The following CAMK4 variants were observed in gnomAD, a reference collection of about 807,000 sequenced individuals.
The protein encoded by CAMK4 is calcium/calmodulin-dependent protein kinase type IV.
Under a neutral mutation model 44.9 loss-of-function variants are expected in CAMK4, and 22 were observed. That is an observed-to-expected ratio of 0.49 (90% CI 0.35 to 0.70). The LOEUF is 0.70. Among genes scored for constraint, CAMK4 ranks in the 30% least tolerant of loss-of-function variants. The pLI is 0.01. For missense variants in CAMK4, 498 were observed against 586.8 expected (o/e 0.85, Z 1.56); for synonymous variants, 218 against 215.4 (o/e 1.01, Z -0.11).
chr5:111,416,560 G>C (rs1020960698), intron 5 of CAMK4: 2 of 152,160 alleles, frequency 1.3e-5, no homozygotes, highest in African/African-American at 2.4e-5. Context: ...TATACCATCA[G>C]ACTCCCTGGA....
chr5:111,317,748 C>T (rs1748485422), intron 1 of CAMK4, among the ~76,000 whole-genome samples: 1 of 151,916 alleles, frequency 6.6e-6, no homozygotes, highest in East Asian at 1.9e-4. Flanking sequence ...TTCCTCTGCT[C>T]AAAAGGGCTC....
intron 5 of CAMK4, among the ~76,000 whole-genome samples, chr5:111,426,304 ATT>A (rs894363004): frequency 6.6e-5 from 10 of 152,254 alleles, no homozygotes; most frequent in African/African-American, 2.4e-4. Flanking sequence ...GTTAAAGTGA[ATT>A]TTTATATACC....
chr5:111,293,742 C>CTTTTTTT (rs35117453), intron 1 of CAMK4, among the ~76,000 whole-genome samples: 1 of 83,518 alleles, frequency 1.2e-5, no homozygotes, highest in Non-Finnish European at 2.2e-5. Context: ...TGCTGCTCTA[C>CTTTTTTT]TTTTTTTTTT....
chr5:111,465,759 G>C (rs901016187), intron 7 of CAMK4, among the ~76,000 whole-genome samples: 4 of 152,150 alleles, frequency 2.6e-5, no homozygotes, highest in Non-Finnish European at 5.9e-5. Context: ...ATTCACAGCT[G>C]AATTCTATCA....
chr5:111,312,751 A>G (rs1042835844), intron 1 of CAMK4, among the ~76,000 whole-genome samples: 1 of 152,178 alleles, frequency 6.6e-6, no homozygotes, highest in Admixed American at 6.6e-5. Flanking sequence ...AATACAGAGT[A>G]GGAATGAACT....
intron 1 of CAMK4, among the ~76,000 whole-genome samples, chr5:111,291,348 T>C (rs887758509): frequency 6.7e-6 from 1 of 148,548 alleles, no homozygotes; most frequent in African/African-American, 2.6e-5. Context: ...AAATGTCTGT[T>C]GATTTTCTTT....
At position 111,264,687 on chromosome 5, in the gene CAMK4, C is replaced by G. The variant is rs7735221; in HGVS notation, c.161+40043C>G. 6.3e-3 allele frequency among the ~76,000 whole-genome samples: 957 copies of G among 152,194 alleles called. 8 individuals carry two copies. The highest frequency in any genetic ancestry group is 0.022 in the African/African-American group (906 of 41,518). On this transcript the variant is annotated intron_variant, in intron 1 of 10. Coordinates refer to ENST00000282356, the MANE Select transcript of CAMK4 (RefSeq NM_001744.6). ...GGTGATACTTTAAGAGTCATTTTCTCTGTTGAAATGGCTGCAGAGATTGAG... is the reference window on the plus strand; with the variant it reads ...GGTGATACTTTAAGAGTCATTTTCTGTGTTGAAATGGCTGCAGAGATTGAG...
At chr5:111,229,588 G>A (rs760394905) in intron 1 of CAMK4, among the ~76,000 whole-genome samples, 4 of 152,106 alleles carry the variant, frequency 2.6e-5, no homozygotes, top group South Asian at 2.1e-4. Flanking sequence ...AACCATTCTC[G>A]TGACCAGAGC....
chr5:111,353,034 A>G (rs1005001327), intron 2 of CAMK4, among the ~76,000 whole-genome samples: 2 of 152,108 alleles, frequency 1.3e-5, no homozygotes, highest in Non-Finnish European at 2.9e-5. Flanking sequence ...ATCACCTGCT[A>G]TAGGAAACAG....
intron 1 of CAMK4, among the ~76,000 whole-genome samples, chr5:111,309,108 A>T (rs1017427440): frequency 6.6e-6 from 1 of 152,240 alleles, no homozygotes; most frequent in African/African-American, 2.4e-5. Context: ...CACACACAAA[A>T]GAGCAATGCA....
At chr5:111,296,839 C>A (rs1747503802) in intron 1 of CAMK4, among the ~76,000 whole-genome samples, 1 of 152,216 alleles carries the variant, frequency 6.6e-6, no homozygotes, top group African/African-American at 2.4e-5. Flanking sequence ...AGTTCTGGAT[C>A]TGTGCATAAT....
chr5:111,323,042 G>A (rs1270048716), intron 1 of CAMK4, among the ~76,000 whole-genome samples: 1 of 152,074 alleles, frequency 6.6e-6, no homozygotes, highest in Non-Finnish European at 1.5e-5. Context: ...TGGAATATAT[G>A]TCTCAGAGGG....
At chr5:111,353,073 G>A (rs959284978) in intron 2 of CAMK4, among the ~76,000 whole-genome samples, 1 of 152,016 alleles carries the variant, frequency 6.6e-6, no homozygotes, top group East Asian at 1.9e-4. Context: ...AGGTGCGGTT[G>A]GAGGTAATGC....
At chr5:111,238,199 T>C (rs1390382932) in intron 1 of CAMK4, among the ~76,000 whole-genome samples, 1 of 152,186 alleles carries the variant, frequency 6.6e-6, no homozygotes, top group East Asian at 1.9e-4. Flanking sequence ...TCCTGATTTC[T>C]CCCTGTTTCC....
chr5:111,443,938 T>C (rs1753938208), intron 5 of CAMK4, among the ~76,000 whole-genome samples: 1 of 152,234 alleles, frequency 6.6e-6, no homozygotes, highest in Admixed American at 6.5e-5. Flanking sequence ...TATATCAAGA[T>C]ACAGTATCTT....
At chr5:111,476,268 TGTTTG>T (rs1755237483) in intron 8 of CAMK4, among the ~76,000 whole-genome samples, 10 of 139,310 alleles carry the variant, frequency 7.2e-5, no homozygotes, top group African/African-American at 1.7e-4. Context: ...TGTGTGTGTG[TGTTTG>T]TGTGTGTGTG....
intron 1 of CAMK4, among the ~76,000 whole-genome samples, chr5:111,341,027 C>G (rs1749620041): frequency 6.6e-6 from 1 of 150,758 alleles, no homozygotes; most frequent in African/African-American, 2.4e-5. Context: ...TCTCTTAAGA[C>G]CCTTTACATT....
chr5:111,299,955 G>A (rs1747651346), intron 1 of CAMK4, among the ~76,000 whole-genome samples: 1 of 151,922 alleles, frequency 6.6e-6, no homozygotes, highest in African/African-American at 2.4e-5. Context: ...CTTTTCATGG[G>A]GTCCCCTCCC....
At chr5:111,247,263 A>G (rs1177867053) in intron 1 of CAMK4, among the ~76,000 whole-genome samples, 1 of 149,070 alleles carries the variant, frequency 6.7e-6, no homozygotes, top group Admixed American at 6.7e-5. Context: ...TGATTCATTT[A>G]TTTTTATTTA....
Sources: gnomAD v4.1 joint callset for allele counts (sites outside exome capture counted in the v4.1 genomes callset) on GRCh38, gnomAD v4.1.1 for gene constraint, MANE v1.5 for transcripts, NCBI Gene and HGNC (gene_info 2026-07-23, HGNC 2026-07-21) for gene names.